Variants in ST6GALNAC3 observed in about 807,000 individuals in gnomAD.
ST6GALNAC3 encodes ST6 N-acetylgalactosaminide alpha-2,6-sialyltransferase 3, also known as alpha-N-acetylgalactosaminide alpha-2,6-sialyltransferase 3.
In ST6GALNAC3, 25 loss-of-function variants were observed where a neutral mutation model predicts 32.7. The observed-to-expected ratio is 0.76, with a 90% CI of 0.56 to 1.07. The LOEUF (loss-of-function observed/expected upper bound fraction) is 1.07, where lower values mean the gene tolerates loss of function less well. ST6GALNAC3 is among the 50% of genes least tolerant of loss of function. ST6GALNAC3 has a pLI of 0.00. For synonymous variants in ST6GALNAC3, 129 were observed against 133.1 expected, an observed-to-expected ratio of 0.97 and a Z score of 0.21; for missense variants, 355 against 382.4, an observed-to-expected ratio of 0.93 and a Z score of 0.60.
chr1:76,283,464 G>C (rs1177945892), intron 1 of ST6GALNAC3, among the ~76,000 whole-genome samples: 1 of 152,114 alleles, frequency 6.6e-6, no homozygotes, highest in African/African-American at 2.4e-5. Flanking sequence ...ACCCTCAAGA[G>C]CCAACCTGTG....
At chr1:76,276,825 G>A (rs1659160776) in intron 1 of ST6GALNAC3, among the ~76,000 whole-genome samples, 1 of 152,068 alleles carries the variant, frequency 6.6e-6, no homozygotes, top group African/African-American at 2.4e-5. Flanking sequence ...CCAACACTTG[G>A]TTTTGTCAGC....
At chr1:76,315,739 C>T (rs781733531) in intron 2 of ST6GALNAC3, among the ~76,000 whole-genome samples, 18 of 152,034 alleles carry the variant, frequency 1.2e-4, no homozygotes, top group Non-Finnish European at 2.2e-4. Context: ...ACCTCAGAGC[C>T]CCAATTTCCT....
intron 1 of ST6GALNAC3, among the ~76,000 whole-genome samples, chr1:76,132,060 G>A (rs1395604179): frequency 6.6e-6 from 1 of 152,096 alleles, no homozygotes; most frequent in Non-Finnish European, 1.5e-5. Context: ...GTGGGGGCTT[G>A]GTATAATAAT....
At chr1:76,160,644 A>G (rs1340511761) in intron 1 of ST6GALNAC3, among the ~76,000 whole-genome samples, 1 of 152,172 alleles carries the variant, frequency 6.6e-6, no homozygotes, top group African/African-American at 2.4e-5. Flanking sequence ...TTTGGGCCAA[A>G]ATAAGGGGCT....
chr1:76,236,700 A>G (rs1656680126), intron 1 of ST6GALNAC3, among the ~76,000 whole-genome samples: 1 of 152,152 alleles, frequency 6.6e-6, no homozygotes, highest in African/African-American at 2.4e-5. Flanking sequence ...CTTGATGGTG[A>G]AACTCTTTGA....
intron 3 of ST6GALNAC3, among the ~76,000 whole-genome samples, chr1:76,474,802 G>A (rs1482225350): frequency 6.6e-6 from 1 of 152,110 alleles, no homozygotes; most frequent in Non-Finnish European, 1.5e-5. Flanking sequence ...GGACTCTTGT[G>A]AAGAGAAAAA....
At chr1:76,585,510 A>G (rs994984629) in intron 3 of ST6GALNAC3, among the ~76,000 whole-genome samples, 1 of 152,180 alleles carries the variant, frequency 6.6e-6, no homozygotes, top group African/African-American at 2.4e-5. Flanking sequence ...GAGAGGCGAG[A>G]GCCTAAGCGC....
At chr1:76,107,421 A>G (rs1647612493) in intron 1 of ST6GALNAC3, among the ~76,000 whole-genome samples, 1 of 151,804 alleles carries the variant, frequency 6.6e-6, no homozygotes, top group African/African-American at 2.4e-5. Context: ...TCACAATTTT[A>G]GAAGGTATGG....
chr1:76,341,368 T>G (rs1647954213), intron 2 of ST6GALNAC3, among the ~76,000 whole-genome samples: 1 of 152,136 alleles, frequency 6.6e-6, no homozygotes. Flanking sequence ...TCATCCGTAT[T>G]GTTGCAAAGA....
intron 3 of ST6GALNAC3, among the ~76,000 whole-genome samples, chr1:76,486,098 A>G (rs1660092059): frequency 6.6e-6 from 1 of 152,190 alleles, no homozygotes; most frequent in Admixed American, 6.5e-5. Context: ...ACAGTTTGTT[A>G]TAATTTCTGT....
chr1:76,536,584 G>A (rs377626453), intron 3 of ST6GALNAC3, among the ~76,000 whole-genome samples: 60 of 140,542 alleles, frequency 4.3e-4, no homozygotes, highest in African/African-American at 1.5e-3. Flanking sequence ...ACCACAGTTC[G>A]TATTACAATT....
chr1:76,601,159 C>T (rs774718765), intron 3 of ST6GALNAC3, among the ~76,000 whole-genome samples: 2 of 152,076 alleles, frequency 1.3e-5, no homozygotes, highest in Non-Finnish European at 2.9e-5. Context: ...GATCATGCCA[C>T]TGCACTCCAG....
intron 1 of ST6GALNAC3, among the ~76,000 whole-genome samples, chr1:76,078,160 T>G (rs528330817): frequency 7.2e-5 from 11 of 152,346 alleles, no homozygotes; most frequent in Admixed American, 3.9e-4. Flanking sequence ...TTTGAGGCAG[T>G]GCCAACTTTG....
At chr1:76,560,312 C>T (rs1665172724) in intron 3 of ST6GALNAC3, among the ~76,000 whole-genome samples, 1 of 151,954 alleles carries the variant, frequency 6.6e-6, no homozygotes, top group Admixed American at 6.6e-5. Flanking sequence ...GTAGAGGCCA[C>T]CAAAGCAAAA....
At chr1:76,433,780 G>A (rs1339274513) in intron 3 of ST6GALNAC3, among the ~76,000 whole-genome samples, 1 of 151,996 alleles carries the variant, frequency 6.6e-6, no homozygotes, top group Admixed American at 6.6e-5. Flanking sequence ...GTTACTAAAT[G>A]GAAAAAAATG....
Position 76,083,376 on chromosome 1 carries a change from A to G in ST6GALNAC3, c.18+8492A>G, listed in dbSNP as rs1283763580. Among the ~76,000 whole-genome samples the G allele has an allele frequency of 1.3e-5, 2 of 152,376 alleles. 1 individual carries two copies. Among genetic ancestry groups the G allele is most frequent in the South Asian group, 4.1e-4 (2 of 4,828 alleles). On this transcript the variant is annotated intron_variant, in intron 1 of 4. Transcript: ENST00000328299. ...GGCCGCGACAATGGGCTGGACTCGA[A>G]AGAAAGAGAAGTGAAAGTCTCTCTT... is the stretch of plus-strand genomic sequence containing the variant.
intron 1 of ST6GALNAC3, among the ~76,000 whole-genome samples, chr1:76,260,817 A>G (rs1658185647): frequency 6.6e-6 from 1 of 152,162 alleles, no homozygotes; most frequent in Admixed American, 6.5e-5. Flanking sequence ...ACTTTAAAAA[A>G]TCTCTTTTTA....
intron 3 of ST6GALNAC3, among the ~76,000 whole-genome samples, chr1:76,584,130 G>T (rs1285465557): frequency 6.6e-6 from 1 of 152,148 alleles, no homozygotes; most frequent in Non-Finnish European, 1.5e-5. Flanking sequence ...CCTATCTTTT[G>T]CATGGGGAGT....
At chr1:76,409,784 G>T (rs964328923) in intron 2 of ST6GALNAC3, among the ~76,000 whole-genome samples, 1 of 152,064 alleles carries the variant, frequency 6.6e-6, no homozygotes, top group African/African-American at 2.4e-5. Flanking sequence ...ACAAAAATCG[G>T]TGTAGTGTTA....
Sources: allele counts gnomAD v4.1 joint callset (sites outside exome capture counted in the v4.1 genomes callset), GRCh38; gene constraint gnomAD v4.1.1; transcripts MANE v1.5; gene names NCBI Gene and HGNC (gene_info 2026-07-23, HGNC 2026-07-21).